Variants in MLXIP observed in about 807,000 individuals in gnomAD.
The protein encoded by MLXIP is MLX interacting protein.
In MLXIP, 30 loss-of-function variants were observed where a neutral mutation model predicts 87.2. The observed-to-expected ratio is 0.34, with a 90% CI of 0.26 to 0.47. The LOEUF (loss-of-function observed/expected upper bound fraction) is 0.47, where lower values mean the gene tolerates loss of function less well. Ranked by LOEUF, MLXIP falls within the 20% of genes least tolerant of loss-of-function variation. The pLI is 1.00. For missense variants in MLXIP, 1,002 were observed against 1,240.1 expected (o/e 0.81, Z 2.88); for synonymous variants, 530 against 514.0 (o/e 1.03, Z -0.42).
intron 1 of MLXIP, among the ~76,000 whole-genome samples, chr12:122,084,797 C>G (rs1042581258): frequency 3.9e-5 from 6 of 152,178 alleles, no homozygotes. Flanking sequence ...ATCGGCCAGT[C>G]TCGGCCTCCC....
chr12:122,101,584 CTT>C (rs371090324), intron 1 of MLXIP, among the ~76,000 whole-genome samples: 1 of 119,014 alleles, frequency 8.4e-6, no homozygotes, highest in Non-Finnish European at 1.7e-5. Flanking sequence ...CTTTTTTTTT[CTT>C]TTTTTTTTTT....
Position 122,138,517 on chromosome 12 carries a change from C to T in MLXIP, c.2350C>T (p.Arg784Trp), listed in dbSNP as rs780988464. ...GATGCAGGAGGAGGCCCGGCGGCTG[C>T]GGGAGGAGATCGAGGAGCTCAATGC... Reference protein sequence around the residue: ...GQMQEEARRLREEIEELNATI... With the variant: ...GQMQEEARRLWEEIEELNATI... Residue 784 changes from arginine (R) to tryptophan (W), a missense_variant, in exon 14 of 17, where the codon CGG becomes TGG. Arg to Trp is a moderately radical substitution (Grantham distance 101). Around this residue, in one of 3 missense-constraint regions of MLXIP, gnomAD observed 746 missense variants for 897.0 expected, o/e 0.83. Transcript: ENST00000319080. The T allele has an allele frequency of 5.6e-6, 9 of 1,613,414 alleles. No individual in the cohort carries two copies. Among genetic ancestry groups the T allele is most frequent in the African/African-American group, 4.0e-5 (3 of 74,894 alleles).
chr12:122,133,810 G>A lies in MLXIP; in HGVS notation c.1555G>A (p.Ala519Thr). 1 of 1,612,946 alleles carries A rather than the reference G, an allele frequency of 6.2e-7. No homozygotes were observed. Among genetic ancestry groups the A allele is most frequent in the South Asian group, 1.1e-5 (1 of 90,886 alleles). ...CACCCATCACCCTGCCCCGTCAGCG[G>A]CCCCTTGTGGGCTGGCACTGTCTCC... ...ITTHHPAPSA[A>T]PCGLALSPVT... The change falls in exon 9 of 17, where the codon GCC (alanine) becomes ACC (threonine). Residue 519 changes from alanine (A) to threonine (T), a missense_variant. By Grantham distance (58) the Ala-to-Thr change is moderately conservative. Around this residue, in one of 3 missense-constraint regions of MLXIP, gnomAD observed 746 missense variants for 897.0 expected, o/e 0.83. Coordinates refer to ENST00000319080, the MANE Select transcript of MLXIP (RefSeq NM_014938.6). The surrounding 1 kb of genome is among the most constrained non-coding windows in gnomAD (Gnocchi z 4.9).
intron 1 of MLXIP, among the ~76,000 whole-genome samples, chr12:122,094,439 C>A (rs1440028829): frequency 1.3e-5 from 1 of 76,362 alleles, no homozygotes; most frequent in Admixed American, 1.5e-4. Context: ...TGTGTGTATG[C>A]GGTGTCTGGT....
chr12:122,110,804 G>A (rs574721758), intron 1 of MLXIP, among the ~76,000 whole-genome samples: 30 of 151,640 alleles, frequency 2.0e-4, no homozygotes, highest in Admixed American at 4.6e-4. Context: ...AGGGCTGGGC[G>A]CAGTGGCTCA....
intron 1 of MLXIP, among the ~76,000 whole-genome samples, chr12:122,105,935 C>G (rs1179676684): frequency 6.6e-6 from 1 of 152,136 alleles, no homozygotes; most frequent in Non-Finnish European, 1.5e-5. Flanking sequence ...ACTATAGGTT[C>G]AGACTATAGG....
intron 13 of MLXIP, 33 bp downstream of exon 13, chr12:122,138,328 C>T (rs765280218): frequency 3.4e-5 from 54 of 1,610,618 alleles, no homozygotes; most frequent in Admixed American, 6.7e-5. Flanking sequence ...TGTGGCAGGG[C>T]AGGGGAGCTG....
chr12:122,079,893 G>A (rs903331618), intron 1 of MLXIP, among the ~76,000 whole-genome samples: 5 of 152,238 alleles, frequency 3.3e-5, no homozygotes, highest in Non-Finnish European at 7.3e-5. Context: ...AGGGCTTTGG[G>A]TGCCTCCTAA....
chr12:122,078,878 TC>T lies in MLXIP; in HGVS notation c.29del (p.Pro10ArgfsTer124). On this transcript the variant is annotated frameshift_variant, in exon 1 of 17. Coordinates refer to ENST00000319080, the MANE Select transcript of MLXIP (RefSeq NM_014938.6). LOFTEE classifies it high-confidence loss of function. ...CATGGCCGCCGACGTCTTCATGTGC[TC>T]CCCGCGCCGGCCTCGCAGCCGGGGC... is the stretch of plus-strand genomic sequence containing the variant. Reference protein sequence around the residue: MAADVFMCSPRRPRSRGRQ... With the variant: MAADVFMCXPRRPRSRGRQ... 3 of 1,125,024 alleles carry T rather than the reference TC, an allele frequency of 2.7e-6. No homozygotes were observed. Among genetic ancestry groups the T allele is most frequent in the Middle Eastern group, 3.8e-4 (1 of 2,658 alleles). 69.7% of individuals were successfully genotyped at this position (1,125,024 alleles called of 1,614,324 possible). A position where few individuals can be genotyped will look rare whatever the true frequency, so the allele number is the denominator to read the frequency against.
intron 9 of MLXIP, chr12:122,134,395 TCTCA>T: frequency 5.2e-6 from 1 of 191,656 alleles, no homozygotes; most frequent in Non-Finnish European, 1.1e-5. Flanking sequence ...TGAGATGGAG[TCTCA>T]CTCTGTCGCC....
At chr12:122,127,499 A>C in intron 2 of MLXIP, 137 bp downstream of exon 2, 1 of 657,904 alleles carries the variant, frequency 1.5e-6, no homozygotes, top group Non-Finnish European at 2.6e-6. Flanking sequence ...AGGAAACCCA[A>C]GCCATCAGGC....
Position 122,143,292 on chromosome 12 carries a change from C to G in MLXIP, c.*1480C>G, listed in dbSNP as rs896268397. 1.3e-5 allele frequency: 2 copies of G among 152,378 alleles called. No homozygotes were observed. The highest frequency in any genetic ancestry group is 2.9e-5 in the Non-Finnish European group (2 of 68,148). 9.4% of individuals were successfully genotyped at this position (152,378 alleles called of 1,614,324 possible). A position where few individuals can be genotyped will look rare whatever the true frequency, so the allele number is the denominator to read the frequency against. ...CAGTTTAGATCCAGTTGGAGGTTCT[C>G]CCTGGCTCCTGCAGGCCTGCGGGGA... On this transcript the variant is annotated 3_prime_UTR_variant, in exon 17 of 17. Coordinates refer to ENST00000319080, the MANE Select transcript of MLXIP (RefSeq NM_014938.6).
At chr12:122,114,786 C>T (rs192693723) in intron 1 of MLXIP, among the ~76,000 whole-genome samples, 84 of 140,390 alleles carry the variant, frequency 6.0e-4, no homozygotes, top group African/African-American at 2.1e-3. Context: ...CACTCTGTTG[C>T]CCAGACTGGA....
At chr12:122,117,343 C>T (rs1230505972) in intron 1 of MLXIP, among the ~76,000 whole-genome samples, 2 of 152,252 alleles carry the variant, frequency 1.3e-5, no homozygotes, top group African/African-American at 4.8e-5. Flanking sequence ...TCCTGTCAAG[C>T]CATTGGCAGT....
At chr12:122,130,235 G>A (rs1318926441) in intron 6 of MLXIP, 123 bp downstream of exon 6, 5 of 1,034,128 alleles carry the variant, frequency 4.8e-6, no homozygotes, top group Admixed American at 2.6e-5. Context: ...TTGGGGGCAG[G>A]CAGTAAGGAA....
At chr12:122,114,384 A>G (rs972610050) in intron 1 of MLXIP, among the ~76,000 whole-genome samples, 4 of 152,216 alleles carry the variant, frequency 2.6e-5, no homozygotes, top group Non-Finnish European at 4.4e-5. Context: ...ACTGAAAAGT[A>G]TTATATTCAT....
rs939017902 is a variant in MLXIP, at chr12:122,137,390, C to A, written c.2033-79C>A. The A allele has an allele frequency of 2.0e-5, 30 of 1,534,878 alleles. No homozygotes were observed. In the African/African-American group the frequency reaches 3.7e-4, roughly 19 times the overall value. ...TGGCTAGCAGCGAGCACCTCATAAC[C>A]CTGCAGAGACCCCAGGCTGCCTCCT... On this transcript the variant is annotated intron_variant, in intron 11 of 16. Transcript: ENST00000319080. This position sits in a 1 kb window ranked among gnomAD's most constrained non-coding sequence, Gnocchi z 4.1.
rs1952049043 is a variant in MLXIP, at chr12:122,078,882, C to T, written c.29C>T (p.Pro10Leu). Residue 10 changes from proline to leucine, a missense_variant, in exon 1 of 17, where the codon CCG (proline) becomes CTG (leucine). Coordinates refer to ENST00000319080, the MANE Select transcript of MLXIP (RefSeq NM_014938.6). The part of the protein sequence containing the change: MAADVFMCS[P>L]RRPRSRGRQV... ...GCCGCCGACGTCTTCATGTGCTCCC[C>T]GCGCCGGCCTCGCAGCCGGGGCCGC... 1.1e-5 allele frequency: 13 copies of T among 1,134,234 alleles called. No individual in the cohort carries two copies. The highest frequency in any genetic ancestry group is 1.4e-5 in the Non-Finnish European group (13 of 921,968). The allele number at this position is 1,134,234 out of a possible 1,614,324, so 70.3% of individuals were successfully genotyped here.
In MLXIP at chr12:122,144,648, G is replaced by T. The variant is rs1593126935; in HGVS notation, c.*2836G>T. ...CGCCTGTAATCCCAGCACTTTGGTA[G>T]GCCAAGGCGGGTGGATCACCTGCAG... On this transcript the variant is annotated 3_prime_UTR_variant, in exon 17 of 17. Transcript: ENST00000319080. 1 of 152,184 alleles carries T rather than the reference G, an allele frequency of 6.6e-6. No homozygotes were observed. The highest frequency in any genetic ancestry group is 1.9e-4 in the East Asian group (1 of 5,186). The allele number at this position is 152,184 out of a possible 1,614,324, so 9.4% of individuals were successfully genotyped here. A position where few individuals can be genotyped will look rare whatever the true frequency, so the allele number is the denominator to read the frequency against.
Sources: allele counts gnomAD v4.1 joint callset (sites outside exome capture counted in the v4.1 genomes callset), GRCh38; gene constraint gnomAD v4.1.1; regional missense constraint gnomAD v4.1.1; non-coding constraint Gnocchi (gnomAD v3.1); transcripts MANE v1.5; gene names NCBI Gene and HGNC (gene_info 2026-07-23, HGNC 2026-07-21).